The following CNTN5 variants were observed in gnomAD, a reference collection of about 807,000 sequenced individuals.
CNTN5 encodes the protein contactin-5.
CNTN5 carries 77 observed loss-of-function variants against 129.1 expected under a neutral mutation model. The observed-to-expected ratio is 0.60, with a 90% confidence interval of 0.50 to 0.72. CNTN5 has a LOEUF of 0.72. CNTN5 is among the 30% of genes least tolerant of loss of function. The pLI is 0.00. For missense variants in CNTN5, 1,478 were observed against 1,328.8 expected, an observed-to-expected ratio of 1.11 and a Z score of -1.75; for synonymous variants, 509 against 465.6, an observed-to-expected ratio of 1.09 and a Z score of -1.20.
intron 2 of CNTN5, among the ~76,000 whole-genome samples, chr11:99,395,635 G>A (rs950776782): frequency 1.3e-4 from 20 of 151,792 alleles, no homozygotes; most frequent in African/African-American, 4.8e-4. Context: ...GTCCAGGATG[G>A]TACTCTGTAG....
chr11:99,799,750 G>A (rs1201976140), intron 3 of CNTN5, among the ~76,000 whole-genome samples: 2 of 152,004 alleles, frequency 1.3e-5, no homozygotes, highest in Non-Finnish European at 2.9e-5. Flanking sequence ...TTGGGTTGAT[G>A]CTGCCTTTGT....
At chr11:99,772,221 T>A (rs1944971097) in intron 3 of CNTN5, among the ~76,000 whole-genome samples, 1 of 151,780 alleles carries the variant, frequency 6.6e-6, no homozygotes, top group South Asian at 2.1e-4. Flanking sequence ...CAAAGATAGG[T>A]GATTTAAGAT....
chr11:100,294,044 C>G (rs565352976), intron 18 of CNTN5, among the ~76,000 whole-genome samples: 2 of 151,718 alleles, frequency 1.3e-5, no homozygotes, highest in East Asian at 3.9e-4. Context: ...TCTTTTCATT[C>G]TTCAGCACCT....
At chr11:99,306,651 G>A (rs902866683) in intron 1 of CNTN5, among the ~76,000 whole-genome samples, 3 of 151,374 alleles carry the variant, frequency 2.0e-5, no homozygotes, top group Non-Finnish European at 2.9e-5. Flanking sequence ...GGAGAATGGC[G>A]TGAACCCGGG....
At chr11:99,050,563 A>C (rs1864386363) in intron 1 of CNTN5, among the ~76,000 whole-genome samples, 5 of 151,792 alleles carry the variant, frequency 3.3e-5, no homozygotes, top group South Asian at 2.1e-4. Context: ...TGAAAGACTA[A>C]ATCCAAAAGT....
intron 2 of CNTN5, among the ~76,000 whole-genome samples, chr11:99,522,835 C>T (rs1195697160): frequency 6.6e-6 from 1 of 152,056 alleles, no homozygotes; most frequent in African/African-American, 2.4e-5. Context: ...GCCTTAACTC[C>T]TCTCCTTGTA....
At chr11:99,737,365 A>G (rs1943746247) in intron 3 of CNTN5, among the ~76,000 whole-genome samples, 1 of 152,206 alleles carries the variant, frequency 6.6e-6, no homozygotes. Flanking sequence ...CAAGTGTTAC[A>G]TTACTGTTGA....
chr11:99,654,980 A>T (rs115843270), intron 3 of CNTN5, among the ~76,000 whole-genome samples: 3 of 152,058 alleles, frequency 2.0e-5, no homozygotes, highest in Non-Finnish European at 4.4e-5. Flanking sequence ...TTTAGAGTTT[A>T]TAAGGGTTTT....
rs199734161 is a variant in CNTN5 at position 99,768,698 on chromosome 11, TATC to T, written c.56-50843_56-50841del. On this transcript the variant is annotated intron_variant, in intron 3 of 24. Coordinates refer to ENST00000524871, the MANE Select transcript of CNTN5 (RefSeq NM_014361.4). ...AGACAATGATACACACTTCCCATTT[TATC>T]ATACAGAAGGACTCACAATGCCAGT... Among the ~76,000 whole-genome samples the T allele has an allele frequency of 6.6e-3, 1,006 of 152,278 alleles. 10 individuals carry two copies. Among genetic ancestry groups the T allele is most frequent in the African/African-American group, 0.023 (943 of 41,564 alleles).
chr11:99,580,688 A>AT (rs1292454081), intron 3 of CNTN5, among the ~76,000 whole-genome samples: 2 of 151,204 alleles, frequency 1.3e-5, no homozygotes, highest in Non-Finnish European at 3.0e-5. Context: ...CCCCTTTGTC[A>AT]TTTTTTATTG....
chr11:99,566,726 T>C (rs1384758549), intron 3 of CNTN5, among the ~76,000 whole-genome samples: 1 of 152,206 alleles, frequency 6.6e-6, no homozygotes, highest in African/African-American at 2.4e-5. Flanking sequence ...AACAGCCTAA[T>C]AGGACACTGA....
In CNTN5 at chr11:99,142,293, T is replaced by C. The variant is rs1859558284; in HGVS notation, c.-210+121023T>C. Among the ~76,000 whole-genome samples, 3 of 91,986 alleles carry C rather than the reference T, an allele frequency of 3.3e-5. No homozygotes were observed. The South Asian group carries it at 1.2e-3, about 37-fold the overall frequency. The allele number at this position is 91,986 out of a possible 152,430, so 60.3% of individuals were successfully genotyped here. ...CAGTGGGGTTCATGATAGCATGCAGTGGAGTTGAGCTTGTGGTGGCGAGGT... is the reference window on the plus strand; with the variant it reads ...CAGTGGGGTTCATGATAGCATGCAGCGGAGTTGAGCTTGTGGTGGCGAGGT... On this transcript the variant is annotated intron_variant, in intron 1 of 24. Transcript: ENST00000524871.
intron 1 of CNTN5, among the ~76,000 whole-genome samples, chr11:99,141,693 A>G (rs1322911327): frequency 6.6e-6 from 1 of 152,108 alleles, no homozygotes; most frequent in Non-Finnish European, 1.5e-5. Context: ...AGTATGTTGT[A>G]TCTTTTTTCT....
At chr11:99,925,863 C>T (rs1950050038) in intron 7 of CNTN5, among the ~76,000 whole-genome samples, 2 of 151,990 alleles carry the variant, frequency 1.3e-5, no homozygotes, top group Non-Finnish European at 1.5e-5. Context: ...GTCCCAAGAA[C>T]ACTATGATGA....
chr11:99,216,138 G>C (rs1329844126), intron 1 of CNTN5, among the ~76,000 whole-genome samples: 3 of 151,844 alleles, frequency 2.0e-5, no homozygotes, highest in African/African-American at 7.3e-5. Context: ...TGTTATTTTT[G>C]TACCCCTTCT....
intron 9 of CNTN5, among the ~76,000 whole-genome samples, chr11:100,004,990 AG>A (rs1168651322): frequency 6.6e-6 from 1 of 152,172 alleles, no homozygotes. Context: ...TCACAAGGCA[AG>A]GCAGAGGGTC....
chr11:99,580,804 C>A lies in CNTN5; in HGVS notation c.55+24535C>A, dbSNP rs10893533. Among the ~76,000 whole-genome samples, 3 of 116,940 alleles carry A rather than the reference C, an allele frequency of 2.6e-5. 1 individual carries two copies. Among genetic ancestry groups the A allele is most frequent in the Non-Finnish European group, 5.3e-5 (3 of 56,492 alleles). The allele number at this position is 116,940 out of a possible 152,430, so 76.7% of individuals were successfully genotyped here. A position where few individuals can be genotyped will look rare whatever the true frequency, so the allele number is the denominator to read the frequency against. ...CAGCTCCTGGATTCATTGATTTTTTCAAGGGTTTTTTTGTGTCTTTATTTC... is the reference window on the plus strand; with the variant it reads ...CAGCTCCTGGATTCATTGATTTTTTAAAGGGTTTTTTTGTGTCTTTATTTC... On this transcript the variant is annotated intron_variant, in intron 3 of 24. Coordinates refer to ENST00000524871, the MANE Select transcript of CNTN5 (RefSeq NM_014361.4).
intron 17 of CNTN5, among the ~76,000 whole-genome samples, chr11:100,264,144 T>C (rs559525768): frequency 6.6e-6 from 1 of 152,222 alleles, no homozygotes; most frequent in South Asian, 2.1e-4. Flanking sequence ...TTTGAATTAT[T>C]TTTGTGTTTG....
At chr11:99,061,276 G>T (rs1415938254) in intron 1 of CNTN5, among the ~76,000 whole-genome samples, 2 of 152,070 alleles carry the variant, frequency 1.3e-5, no homozygotes, top group Non-Finnish European at 2.9e-5. Context: ...TTCAAGAAAA[G>T]AATTCATGAA....
Sources: gnomAD v4.1 joint callset for allele counts (sites outside exome capture counted in the v4.1 genomes callset) on GRCh38, gnomAD v4.1.1 for gene constraint, MANE v1.5 for transcripts, NCBI Gene and HGNC (gene_info 2026-07-23, HGNC 2026-07-21) for gene names.